The following COP1 variants were observed in gnomAD, a reference collection of about 807,000 sequenced individuals.
COP1 encodes the protein COP1 E3 ubiquitin ligase.
COP1 carries 24 observed loss-of-function variants against 101.3 expected under a neutral mutation model. The observed-to-expected ratio is 0.24, with a 90% CI of 0.17 to 0.33. The LOEUF (loss-of-function observed/expected upper bound fraction) is 0.33. COP1 is among the 10% of genes least tolerant of loss of function. The pLI, the probability that COP1 is intolerant of heterozygous loss-of-function variation, is 1.00. For missense variants in COP1, 663 were observed against 906.2 expected, an observed-to-expected ratio of 0.73 and a Z score of 3.45; for synonymous variants, 347 against 341.9, an observed-to-expected ratio of 1.01 and a Z score of -0.17.
At chr1:175,948,210 CT>C (rs1432174573) in intron 18 of COP1, among the ~76,000 whole-genome samples, 1 of 152,178 alleles carries the variant, frequency 6.6e-6, no homozygotes, top group African/African-American at 2.4e-5. Context: ...ATGGACATGA[CT>C]GAGTTTACTA....
At chr1:175,945,668 A>G (rs1001150695) in intron 19 of COP1, among the ~76,000 whole-genome samples, 3 of 152,206 alleles carry the variant, frequency 2.0e-5, no homozygotes, top group Non-Finnish European at 4.4e-5. Context: ...TTTTAGAATT[A>G]AAGTAGTATA....
intron 8 of COP1, among the ~76,000 whole-genome samples, chr1:176,121,020 T>A (rs936613852): frequency 6.6e-6 from 1 of 151,972 alleles, no homozygotes; most frequent in African/African-American, 2.4e-5. Context: ...TGCCATGTAC[T>A]CACATAAAAT....
At chr1:176,108,215 TA>T (rs1251546580) in intron 9 of COP1, among the ~76,000 whole-genome samples, 1 of 152,212 alleles carries the variant, frequency 6.6e-6, no homozygotes, top group African/African-American at 2.4e-5. Flanking sequence ...AGTTCAGAAA[TA>T]TAACTCTATA....
intron 11 of COP1, among the ~76,000 whole-genome samples, chr1:176,063,045 A>ATTTTT (rs1428279033): frequency 1.0e-5 from 1 of 95,990 alleles, no homozygotes. Context: ...ATTTTTGAAA[A>ATTTTT]TGTTTTTTTT....
chr1:176,200,507 T>A (rs1032703761), intron 1 of COP1, among the ~76,000 whole-genome samples: 2 of 152,110 alleles, frequency 1.3e-5, no homozygotes, highest in African/African-American at 2.4e-5. Flanking sequence ...GGGGAAAAAA[T>A]GTACCACCCC....
chr1:176,093,119 G>T (rs1681636692), intron 9 of COP1, among the ~76,000 whole-genome samples: 1 of 152,108 alleles, frequency 6.6e-6, no homozygotes, highest in South Asian at 2.1e-4. Context: ...TAATATAGGG[G>T]TGTGTATATA....
intron 8 of COP1, among the ~76,000 whole-genome samples, chr1:176,125,684 C>G (rs1687878832): frequency 6.6e-6 from 1 of 152,060 alleles, no homozygotes; most frequent in African/African-American, 2.4e-5. Flanking sequence ...GTTCTTTTTG[C>G]TCAGGACAGC....
intron 6 of COP1, among the ~76,000 whole-genome samples, chr1:176,138,674 A>G (rs1449032273): frequency 6.6e-6 from 1 of 152,172 alleles, no homozygotes; most frequent in Non-Finnish European, 1.5e-5. Flanking sequence ...GGCCATTTCC[A>G]ACAATTAGTC....
intron 1 of COP1, among the ~76,000 whole-genome samples, chr1:176,193,318 G>C (rs1699313230): frequency 1.3e-5 from 2 of 152,156 alleles, no homozygotes; most frequent in Admixed American, 6.5e-5. Context: ...TACATTGCTA[G>C]TAGGAAAATA....
At chr1:176,160,006 T>C (rs187292973) in intron 5 of COP1, among the ~76,000 whole-genome samples, 67 of 152,272 alleles carry the variant, frequency 4.4e-4, no homozygotes, top group Non-Finnish European at 7.2e-4. Context: ...GGTTAAATAA[T>C]AATGAAAAGT....
intron 5 of COP1, among the ~76,000 whole-genome samples, chr1:176,155,255 C>T (rs868600666): frequency 6.6e-6 from 1 of 151,994 alleles, no homozygotes; most frequent in African/African-American, 2.4e-5. Flanking sequence ...CGATGAAGCC[C>T]CAGTTAAGCT....
intron 6 of COP1, among the ~76,000 whole-genome samples, chr1:176,146,660 T>C (rs1164413156): frequency 6.6e-6 from 1 of 152,178 alleles, no homozygotes; most frequent in East Asian, 1.9e-4. Context: ...ACTGCTCCCT[T>C]GGCCAACAAC....
intron 15 of COP1, among the ~76,000 whole-genome samples, chr1:176,019,634 G>A (rs1666364374): frequency 6.6e-6 from 1 of 151,488 alleles, no homozygotes; most frequent in Non-Finnish European, 1.5e-5. Flanking sequence ...GCATAGGCAG[G>A]CAGATTGCCT....
chr1:176,006,188 T>C (rs1481169621), intron 15 of COP1, among the ~76,000 whole-genome samples: 1 of 152,088 alleles, frequency 6.6e-6, no homozygotes, highest in Non-Finnish European at 1.5e-5. Context: ...TTTTTTTGTT[T>C]TCCATTTGCT....
chr1:175,989,100 A>G, intron 16 of COP1: 1 of 282,536 alleles, frequency 3.5e-6, no homozygotes, highest in East Asian at 5.8e-5. Context: ...AATTAAACAT[A>G]GGAGGATGAG....
At chr1:176,126,101 G>A (rs1017676145) in intron 8 of COP1, among the ~76,000 whole-genome samples, 4 of 152,032 alleles carry the variant, frequency 2.6e-5, no homozygotes, top group Non-Finnish European at 5.9e-5. Context: ...GTATCATTTC[G>A]TTCTAATAGT....
intron 11 of COP1, among the ~76,000 whole-genome samples, chr1:176,066,670 A>C (rs1676029741): frequency 6.6e-6 from 1 of 152,224 alleles, no homozygotes; most frequent in South Asian, 2.1e-4. Context: ...CCAGCTCTGC[A>C]GGTCAATCAC....
chr1:176,036,007 C>T (rs1367621555), intron 14 of COP1, among the ~76,000 whole-genome samples: 1 of 151,726 alleles, frequency 6.6e-6, no homozygotes, highest in Non-Finnish European at 1.5e-5. Context: ...TTTAAACAAT[C>T]CATAGATGAA....
chr1:175,949,168 C>CAA lies in COP1; in HGVS notation c.2134-1931_2134-1930dup, dbSNP rs56280543. 3.9e-4 allele frequency among the ~76,000 whole-genome samples: 17 copies of CAA among 43,158 alleles called. 1 individual carries two copies. The highest frequency in any genetic ancestry group is 1.5e-3 in the African/African-American group (15 of 9,714). The allele number at this position is 43,158 out of a possible 152,430, so 28.3% of individuals were successfully genotyped here. A position where few individuals can be genotyped will look rare whatever the true frequency, so the allele number is the denominator to read the frequency against. ...GAGAGACTCCAGCAAGGCTCCGTCT[C>CAA]AAAAAAAAAAAAAAAAAAAAAAAAT... On this transcript the variant is annotated intron_variant, in intron 18 of 19. Coordinates refer to ENST00000367669, the MANE Select transcript of COP1 (RefSeq NM_022457.7).
Sources: gnomAD v4.1 joint callset for allele counts (sites outside exome capture counted in the v4.1 genomes callset) on GRCh38, gnomAD v4.1.1 for gene constraint, MANE v1.5 for transcripts, NCBI Gene and HGNC (gene_info 2026-07-23, HGNC 2026-07-21) for gene names.